DPEP3: variants seen among roughly 807,000 people sequenced by gnomAD.
DPEP3 encodes membrane-bound dipeptidase 3.
Under a neutral mutation model 47.5 loss-of-function variants are expected in DPEP3, and 42 were observed. The observed-to-expected ratio is 0.88, with a 90% CI of 0.69 to 1.14. DPEP3 has a LOEUF of 1.14. Ranked by LOEUF, DPEP3 falls within the 50% of genes most tolerant of loss-of-function variation. The pLI is 0.00. For missense variants in DPEP3, 560 were observed against 635.0 expected (o/e 0.88, Z 1.27); for synonymous variants, 276 against 270.2 (o/e 1.02, Z -0.21).
In DPEP3 at chr16:67,976,086, A is replaced by T; in HGVS notation, c.1230+7T>A. The T allele has an allele frequency of 6.2e-7, 1 of 1,614,076 alleles. No individual in the cohort carries two copies. The highest frequency in any genetic ancestry group is 8.5e-7 in the Non-Finnish European group (1 of 1,179,996). Reference sequence around the variant, plus strand: ...ACTGAACCATCCTGTCCACCAGCCCAGCTTACCTTTTCCACTTGTCTGAAG... The same window carrying T: ...ACTGAACCATCCTGTCCACCAGCCCTGCTTACCTTTTCCACTTGTCTGAAG... On this transcript the variant is annotated splice_region_variant and intron_variant, in intron 9 of 9. Transcript: ENST00000268793.
chr16:67,979,379 C>T (rs1196429980), intron 2 of DPEP3, among the ~76,000 whole-genome samples: 3 of 152,240 alleles, frequency 2.0e-5, no homozygotes, highest in Non-Finnish European at 4.4e-5. Flanking sequence ...AAGGCCAATC[C>T]ACTATGTCCT....
At chr16:67,977,456 G>T in intron 6 of DPEP3, 102 bp from the exon 7 acceptor site, 1 of 1,350,238 alleles carries the variant, frequency 7.4e-7, no homozygotes, top group Non-Finnish European at 1.0e-6. Context: ...CTGGCTTCAG[G>T]GGTTGGAAGA....
chr16:67,978,474 C>G lies in DPEP3; in HGVS notation c.544+23G>C, dbSNP rs775608936. 3.7e-6 allele frequency: 6 copies of G among 1,614,046 alleles called. No individual in the cohort carries two copies. The South Asian group carries it at 6.6e-5, about 18-fold the overall frequency. On this transcript the variant is annotated intron_variant, in intron 3 of 9. Coordinates refer to ENST00000268793, the MANE Select transcript of DPEP3 (RefSeq NM_001370198.1). The surrounding 1 kb of genome is among the most constrained non-coding windows in gnomAD (Gnocchi z 4.4). ...CAGAACCTCCAGAGTGACATCCTGACTACCTCTCATCTGCTGGCCCACCTT... is the reference window on the plus strand; with the variant it reads ...CAGAACCTCCAGAGTGACATCCTGAGTACCTCTCATCTGCTGGCCCACCTT...
chr16:67,976,235 G>C lies in DPEP3; in HGVS notation c.1095-7C>G. 6.2e-7 allele frequency: 1 copy of C among 1,613,994 alleles called. No homozygotes were observed. Among genetic ancestry groups the C allele is most frequent in the East Asian group, 2.2e-5 (1 of 44,888 alleles). On this transcript the variant is annotated splice_region_variant and splice_polypyrimidine_tract_variant and intron_variant, in intron 8 of 9. Coordinates refer to ENST00000268793, the MANE Select transcript of DPEP3 (RefSeq NM_001370198.1). Reference sequence around the variant, plus strand: ...CTCCAGCCCCTGAGGGAACCTGTGTGGCCACCCACCAGCCAGCTGTGGGAC... The same window carrying C: ...CTCCAGCCCCTGAGGGAACCTGTGTCGCCACCCACCAGCCAGCTGTGGGAC...
Position 67,980,461 on chromosome 16 carries a change from C to T in DPEP3, c.-81G>A, listed in dbSNP as rs942821291. On this transcript the variant is annotated 5_prime_UTR_variant, in exon 1 of 10. Coordinates refer to ENST00000268793, the MANE Select transcript of DPEP3 (RefSeq NM_001370198.1). ...GACAATGGGGTCCGGATCATGACGA[C>T]CCAGCCTCCCGAAGAGGGGGTTGAA... 1.4e-6 allele frequency: 2 copies of T among 1,443,816 alleles called. No individual in the cohort carries two copies. The highest frequency in any genetic ancestry group is 2.8e-5 in the Admixed American group (1 of 35,096). 89.4% of individuals were successfully genotyped at this position (1,443,816 alleles called of 1,614,324 possible). A position where few individuals can be genotyped will look rare whatever the true frequency, so the allele number is the denominator to read the frequency against.
At chr16:67,979,585 AC>A in intron 2 of DPEP3, 53 bp downstream of exon 2, 3 of 1,604,566 alleles carry the variant, frequency 1.9e-6, no homozygotes, top group Non-Finnish European at 2.6e-6. Flanking sequence ...GGTTTCTGTG[AC>A]CCCAACATCC....
rs777464674 is a variant in DPEP3 at position 67,980,195 on chromosome 16, G to T, written c.186C>A (p.Ser62Arg). Residue 62 changes from serine (S) to arginine (R), a missense_variant, in exon 1 of 10, where the codon AGC (serine) becomes AGA (arginine). By Grantham distance (110) the Ser-to-Arg change is moderately radical. Coordinates refer to ENST00000268793, the MANE Select transcript of DPEP3 (RefSeq NM_001370198.1). ...PSLFTTPGVP[S>R]ALTTPGLTTP... is the part of the protein sequence containing the mutation. ...TAGTGAGGCCTGGGGTAGTGAGGGC[G>T]CTGGGGACACCCGGCGTGGTGAAGA... 3 of 1,610,676 alleles carry T rather than the reference G, an allele frequency of 1.9e-6. No homozygotes were observed. The highest frequency in any genetic ancestry group is 2.2e-5 in the East Asian group (1 of 44,836).
In DPEP3 at chr16:67,980,126, C is replaced by T. The variant is rs751764891; in HGVS notation, c.255G>A (p.Gln85=). 1.2e-6 allele frequency: 2 copies of T among 1,612,712 alleles called. No homozygotes were observed. The highest frequency in any genetic ancestry group is 1.1e-5 in the South Asian group (1 of 90,894). The change falls in exon 1 of 10, where the codon CAG becomes CAA. Residue 85 remains glutamine (Q), a synonymous_variant. Coordinates refer to ENST00000268793, the MANE Select transcript of DPEP3 (RefSeq NM_001370198.1). ...CGAGTGGGAAACTCCGCATCAGGGC[C>T]TGCGCGCGACCCCGAAGGTCCAGGG... ...PKTLDLRGRA[Q]ALMRSFPLVD...
At chr16:67,976,855 G>GAGCCAACTGCCACAGC in intron 7 of DPEP3, 80 bp from the exon 8 acceptor site, 1 of 1,262,616 alleles carries the variant, frequency 7.9e-7, no homozygotes, top group Non-Finnish European at 1.1e-6. Flanking sequence ...CCAGGCTGTG[G>GAGCCAACTGCCACAGC]CAGTTGGCTC....
At chr16:67,976,625 C>A (rs970653812) in intron 8 of DPEP3, 75 bp downstream of exon 8, 7 of 1,407,436 alleles carry the variant, frequency 5.0e-6, no homozygotes, top group Non-Finnish European at 6.9e-6. Flanking sequence ...GATGGGAGGA[C>A]GTCAGGATGG....
chr16:67,976,214 A>G lies in DPEP3; in HGVS notation c.1109T>C (p.Leu370Pro), dbSNP rs753684986. 1 of 1,614,158 alleles carries G rather than the reference A, an allele frequency of 6.2e-7. No homozygotes were observed. The highest frequency in any genetic ancestry group is 1.1e-5 in the South Asian group (1 of 91,084). ...YDGTGRFPQGLEDVSTYPVLI... is the reference protein window; with the variant it reads ...YDGTGRFPQGPEDVSTYPVLI... ...GACTGGGTATGTGGACACATCCTCC[A>G]GCCCCTGAGGGAACCTGTGTGGCCA... Residue 370 changes from leucine to proline, a missense_variant, in exon 9 of 10, where the codon CTG becomes CCG. Physicochemically the swap from Leu to Pro is moderately conservative, Grantham distance 98 (BLOSUM62 -3). Coordinates refer to ENST00000268793, the MANE Select transcript of DPEP3 (RefSeq NM_001370198.1).
In DPEP3 at chr16:67,977,263, G is replaced by A; in HGVS notation, c.1018+7C>T. ...CCAGCACTGCACAAAGCTGAGGTGG[G>A]ACTTACCTGCCACAGTGGACACGTT... On this transcript the variant is annotated splice_region_variant and intron_variant, in intron 7 of 9. Transcript: ENST00000268793. The A allele has an allele frequency of 6.2e-7, 1 of 1,613,374 alleles. No individual in the cohort carries two copies. Among genetic ancestry groups the A allele is most frequent in the Non-Finnish European group, 8.5e-7 (1 of 1,179,596 alleles).
In DPEP3 at chr16:67,980,490, A is replaced by G. The variant is rs1482093076; in HGVS notation, c.-110T>C. The G allele has an allele frequency of 1.4e-6, 2 of 1,429,804 alleles. No homozygotes were observed. Among genetic ancestry groups the G allele is most frequent in the Non-Finnish European group, 1.8e-6 (2 of 1,091,900 alleles). The allele number at this position is 1,429,804 out of a possible 1,614,324, so 88.6% of individuals were successfully genotyped here. A position where few individuals can be genotyped will look rare whatever the true frequency, so the allele number is the denominator to read the frequency against. On this transcript the variant is annotated 5_prime_UTR_variant, in exon 1 of 10. Coordinates refer to ENST00000268793, the MANE Select transcript of DPEP3 (RefSeq NM_001370198.1). ...GCCTCCCGAAGAGGGGGTTGAAGTC[A>G]CGCGACTCTGAGACCGACGCGCCAC... is the stretch of plus-strand genomic sequence containing the variant.
intron 2 of DPEP3, among the ~76,000 whole-genome samples, chr16:67,979,237 C>T (rs1033368989): frequency 5.9e-5 from 9 of 152,086 alleles, no homozygotes; most frequent in Non-Finnish European, 1.3e-4. Context: ...ACCCGGGAGG[C>T]GGAGGTTGCA....
rs1342133436 is a variant in DPEP3, at chr16:67,978,778, T to A, written c.415-152A>T. Among the ~76,000 whole-genome samples the A allele has an allele frequency of 6.6e-6, 1 of 152,180 alleles. No individual in the cohort carries two copies. The highest frequency in any genetic ancestry group is 2.4e-5 in the African/African-American group (1 of 41,440). Reference sequence around the variant, plus strand: ...TCCATGGTACCTTGATGACTTTTTTTAAAATTATTTTTTATTTTTATTTTA... The same window carrying A: ...TCCATGGTACCTTGATGACTTTTTTAAAAATTATTTTTTATTTTTATTTTA... On this transcript the variant is annotated intron_variant, in intron 2 of 9. Transcript: ENST00000268793. The surrounding 1 kb of genome is among the most constrained non-coding windows in gnomAD (Gnocchi z 4.4).
chr16:67,976,711 G>A lies in DPEP3; in HGVS notation c.1083C>T (p.Asp361=), dbSNP rs541810338. The change falls in exon 8 of 10, where the codon GAC becomes GAT. Residue 361 remains aspartate, a synonymous_variant. Coordinates refer to ENST00000268793, the MANE Select transcript of DPEP3 (RefSeq NM_001370198.1). ...SEFIGIGGNY[D]GTGRFPQGLE... ...AGGGAAGCACTCACCGGCCAGTCCC[G>A]TCATAATTTCCACCAATCCCGATGA... 27 of 1,613,888 alleles carry A rather than the reference G, an allele frequency of 1.7e-5. No individual in the cohort carries two copies. Among genetic ancestry groups the A allele is most frequent in the Admixed American group, 8.3e-5 (5 of 59,976 alleles).
chr16:67,977,483 G>A (rs1052253121), intron 6 of DPEP3, 129 bp from the exon 7 acceptor site: 42 of 1,255,738 alleles, frequency 3.3e-5, no homozygotes, highest in African/African-American at 1.2e-4. Flanking sequence ...ACCTCTCTGC[G>A]TTTGTGGGTC....
At chr16:67,979,261 G>A (rs772804992) in intron 2 of DPEP3, among the ~76,000 whole-genome samples, 21 of 152,160 alleles carry the variant, frequency 1.4e-4, no homozygotes, top group Admixed American at 2.0e-4. Flanking sequence ...AACCGAGATC[G>A]TGCCACTGTA....
chr16:67,977,448 G>A (rs2031221853), intron 6 of DPEP3, 94 bp from the exon 7 acceptor site: 1 of 1,371,330 alleles, frequency 7.3e-7, no homozygotes, highest in Non-Finnish European at 1.0e-6. Context: ...GCTCCATCCT[G>A]GCTTCAGGGG....
Sources: allele counts gnomAD v4.1 joint callset (sites outside exome capture counted in the v4.1 genomes callset), GRCh38; gene constraint gnomAD v4.1.1; non-coding constraint Gnocchi (gnomAD v3.1); transcripts MANE v1.5; gene names NCBI Gene and HGNC (gene_info 2026-07-23, HGNC 2026-07-21).